AGFG1: variants seen among roughly 807,000 people sequenced by gnomAD.
The protein encoded by AGFG1 is ArfGAP with FG repeats 1.
In AGFG1, 10 loss-of-function variants were observed where a neutral mutation model predicts 60.6. That is an observed-to-expected ratio of 0.16 (90% CI 0.10 to 0.28). The LOEUF is 0.28. Ranked by LOEUF, AGFG1 falls within the 10% of genes least tolerant of loss-of-function variation. The pLI is 1.00. For missense variants in AGFG1, 537 were observed against 676.5 expected (o/e 0.79, Z 2.29); for synonymous variants, 247 against 242.9 (o/e 1.02, Z -0.16).
At chr2:227,554,145 C>A (rs572364588) in intron 12 of AGFG1, among the ~76,000 whole-genome samples, 1 of 152,208 alleles carries the variant, frequency 6.6e-6, no homozygotes, top group East Asian at 1.9e-4. Context: ...TCTTAAGAGT[C>A]AGAAGTTTTG....
At position 227,508,476 on chromosome 2, in the gene AGFG1, G is replaced by A. The variant is rs1242603851; in HGVS notation, c.262-11472G>A. ...TACTCCCTTGCTCAACTCCTTGTTT[G>A]TTCCAGGTGTATTCTGGAAAATGTA... On this transcript the variant is annotated intron_variant, in intron 2 of 12. Coordinates refer to ENST00000310078, the MANE Select transcript of AGFG1 (RefSeq NM_004504.5). 1.5e-5 allele frequency: 5 copies of A among 338,674 alleles called. No homozygotes were observed. The East Asian group carries it at 3.8e-4, about 25-fold the overall frequency. 21.0% of individuals were successfully genotyped at this position (338,674 alleles called of 1,614,324 possible).
chr2:227,499,053 C>G (rs1475709339), intron 2 of AGFG1, among the ~76,000 whole-genome samples: 1 of 152,030 alleles, frequency 6.6e-6, no homozygotes, highest in African/African-American at 2.4e-5. Context: ...ACATGGCTGT[C>G]TTTTTATTAT....
chr2:227,531,251 A>G (rs2106217885), intron 6 of AGFG1, 41 bp downstream of exon 6: 2 of 1,585,982 alleles, frequency 1.3e-6, no homozygotes, highest in Non-Finnish European at 1.7e-6. Flanking sequence ...TTTACTTTAC[A>G]AAACAAAACT....
chr2:227,516,496 G>T (rs1691656271), intron 2 of AGFG1, among the ~76,000 whole-genome samples: 1 of 152,200 alleles, frequency 6.6e-6, no homozygotes, highest in South Asian at 2.1e-4. Flanking sequence ...CTTTGACAGT[G>T]AGACAGTTTG....
intron 10 of AGFG1, among the ~76,000 whole-genome samples, chr2:227,539,451 C>CA: frequency 7.5e-6 from 1 of 134,100 alleles, no homozygotes. Context: ...TCAAAAAAAA[C>CA]AAAAAACACA....
chr2:227,484,688 G>GTTTTTTTTTTTTTTTTTTTT (rs745570416), intron 1 of AGFG1, among the ~76,000 whole-genome samples: 4 of 25,090 alleles, frequency 1.6e-4, no homozygotes, highest in Admixed American at 7.9e-4. Flanking sequence ...TTTTTTTTTT[G>GTTTTTTTTTTTTTTTTTTTT]TTTTTTTTTT....
chr2:227,554,567 G>A lies in AGFG1; in HGVS notation c.*72G>A. On this transcript the variant is annotated 3_prime_UTR_variant, in exon 13 of 13. Coordinates refer to ENST00000310078, the MANE Select transcript of AGFG1 (RefSeq NM_004504.5). ...ACATCTCTCCACCTCTTGCACTGTTGTCTTGTTTCACTGATCTTAGCTTTA... is the reference window on the plus strand; with the variant it reads ...ACATCTCTCCACCTCTTGCACTGTTATCTTGTTTCACTGATCTTAGCTTTA... The A allele has an allele frequency of 7.8e-7, 1 of 1,282,516 alleles. No homozygotes were observed. Among genetic ancestry groups the A allele is most frequent in the Non-Finnish European group, 1.1e-6 (1 of 899,602 alleles). The allele number at this position is 1,282,516 out of a possible 1,614,324, so 79.4% of individuals were successfully genotyped here.
In AGFG1 at chr2:227,517,770, TAATTGCTTATTCTTTA is replaced by T. The variant is rs1396668875; in HGVS notation, c.262-2177_262-2162del. On this transcript the variant is annotated intron_variant, in intron 2 of 12. Transcript: ENST00000310078. ...ATACTATGCTCTTTTCATAGTGTCGTAATTGCTTATTCTTTAGAATAATGTATTTTGGAAACTCGTG... is the reference window on the plus strand; with the variant it reads ...ATACTATGCTCTTTTCATAGTGTCGTGAATAATGTATTTTGGAAACTCGTG... 7.9e-5 allele frequency among the ~76,000 whole-genome samples: 12 copies of T among 152,370 alleles called. No homozygotes were observed. In the South Asian group the frequency reaches 2.5e-3, roughly 32 times the overall value.
intron 6 of AGFG1, among the ~76,000 whole-genome samples, chr2:227,532,683 TA>T (rs1692197478): frequency 6.6e-6 from 1 of 152,194 alleles, no homozygotes; most frequent in Non-Finnish European, 1.5e-5. Flanking sequence ...CACTTTAATA[TA>T]TAACTGTGTA....
intron 3 of AGFG1, 76 bp downstream of exon 3, chr2:227,520,139 A>C: frequency 1.2e-6 from 1 of 848,508 alleles, no homozygotes; most frequent in Non-Finnish European, 1.9e-6. Context: ...AGTCTGACAC[A>C]ATGAAGGATA....
chr2:227,515,118 G>C (rs367677745), intron 2 of AGFG1, among the ~76,000 whole-genome samples: 3 of 152,088 alleles, frequency 2.0e-5, no homozygotes, highest in African/African-American at 7.2e-5. Flanking sequence ...ACTGTATTTT[G>C]CCATGTTGCC....
intron 2 of AGFG1, among the ~76,000 whole-genome samples, chr2:227,512,769 C>T (rs1332301475): frequency 6.6e-6 from 1 of 152,032 alleles, no homozygotes; most frequent in Non-Finnish European, 1.5e-5. Flanking sequence ...GTTATTTGTT[C>T]CTGTGTTTTA....
rs1352670067 is a variant in AGFG1, at chr2:227,555,001, G to C, written c.*506G>C. 1 of 152,580 alleles carries C rather than the reference G, an allele frequency of 6.6e-6. No homozygotes were observed. The highest frequency in any genetic ancestry group is 1.9e-4 in the East Asian group (1 of 5,194). 9.5% of individuals were successfully genotyped at this position (152,580 alleles called of 1,614,324 possible). On this transcript the variant is annotated 3_prime_UTR_variant, in exon 13 of 13. Transcript: ENST00000310078. ...CATTCTTGAATTTTTCCTTTCTAAA[G>C]AGCTCTTCTATTTATACATGCCTAA... is the stretch of plus-strand genomic sequence containing the variant.
Position 227,519,984 on chromosome 2 carries a change from A to G in AGFG1, c.298A>G (p.Arg100Gly). The part of the protein sequence containing the change: ...KQIWLGLFDD[R>G]SSAIPDFRDP... Reference sequence around the variant, plus strand: ...GATTTGGCTAGGATTATTTGATGATAGATCTTCAGCAATTCCAGACTTCAG... The same window carrying G: ...GATTTGGCTAGGATTATTTGATGATGGATCTTCAGCAATTCCAGACTTCAG... Residue 100 changes from arginine to glycine, a missense_variant, in exon 3 of 13, where the codon AGA becomes GGA. By Grantham distance (125) the Arg-to-Gly change is moderately radical. Around this residue, in one of 4 missense-constraint regions of AGFG1, gnomAD observed 120 missense variants for 198.5 expected, o/e 0.60. Coordinates refer to ENST00000310078, the MANE Select transcript of AGFG1 (RefSeq NM_004504.5). 3.1e-6 allele frequency: 5 copies of G among 1,587,814 alleles called. No homozygotes were observed. The highest frequency in any genetic ancestry group is 2.3e-5 in the East Asian group (1 of 43,342).
intron 2 of AGFG1, among the ~76,000 whole-genome samples, chr2:227,503,627 C>G (rs1340899858): frequency 6.6e-6 from 1 of 152,204 alleles, no homozygotes; most frequent in Non-Finnish European, 1.5e-5. Flanking sequence ...GTTGATGACT[C>G]AGTCACCTTT....
chr2:227,541,971 G>A (rs1478319395), intron 10 of AGFG1, among the ~76,000 whole-genome samples: 1 of 152,162 alleles, frequency 6.6e-6, no homozygotes, highest in Admixed American at 6.5e-5. Flanking sequence ...GTGAATGGGA[G>A]TTCACTCATG....
At position 227,558,688 on chromosome 2, in the gene AGFG1, A is replaced by G. The variant is rs2106252500; in HGVS notation, c.*4193A>G. On this transcript the variant is annotated 3_prime_UTR_variant, in exon 13 of 13. Coordinates refer to ENST00000310078, the MANE Select transcript of AGFG1 (RefSeq NM_004504.5). Reference sequence around the variant, plus strand: ...GTGAACAGATGAATATATAACCACGATGTAATCCAGTGTTGTGCTGCTGAA... The same window carrying G: ...GTGAACAGATGAATATATAACCACGGTGTAATCCAGTGTTGTGCTGCTGAA... 6.6e-6 allele frequency: 1 copy of G among 152,318 alleles called. No homozygotes were observed. 9.4% of individuals were successfully genotyped at this position (152,318 alleles called of 1,614,324 possible). A position where few individuals can be genotyped will look rare whatever the true frequency, so the allele number is the denominator to read the frequency against.
At position 227,559,020 on chromosome 2, in the gene AGFG1, T is replaced by G. The variant is rs558213071; in HGVS notation, c.*4525T>G. 6.6e-6 allele frequency: 1 copy of G among 152,354 alleles called. No homozygotes were observed. Among genetic ancestry groups the G allele is most frequent in the East Asian group, 1.9e-4 (1 of 5,186 alleles). 9.4% of individuals were successfully genotyped at this position (152,354 alleles called of 1,614,324 possible). On this transcript the variant is annotated 3_prime_UTR_variant, in exon 13 of 13. Coordinates refer to ENST00000310078, the MANE Select transcript of AGFG1 (RefSeq NM_004504.5). The stretch of plus-strand genomic sequence containing the variant: ...TAGCAAGCATTTGAACACTTGTTTA[T>G]TTTTAGAGATATACTGGGCACTGAG...
chr2:227,550,590 C>T (rs1381666980), intron 10 of AGFG1, among the ~76,000 whole-genome samples: 1 of 152,100 alleles, frequency 6.6e-6, no homozygotes, highest in Non-Finnish European at 1.5e-5. Context: ...TTCTTTAATT[C>T]ACCTGCTTCC....
Sources: allele counts gnomAD v4.1 joint callset (sites outside exome capture counted in the v4.1 genomes callset), GRCh38; gene constraint gnomAD v4.1.1; regional missense constraint gnomAD v4.1.1; transcripts MANE v1.5; gene names NCBI Gene and HGNC (gene_info 2026-07-23, HGNC 2026-07-21).